The following CSMD1 variants were observed in gnomAD, a reference collection of about 807,000 sequenced individuals.
The protein encoded by CSMD1 is CUB and sushi domain-containing protein 1.
In CSMD1, 213 loss-of-function variants were observed where a neutral mutation model predicts 417.5. The ratio of observed to expected loss-of-function variants is 0.51; its 90% CI spans 0.46 to 0.57. CSMD1 has a LOEUF of 0.57. Among genes scored for constraint, CSMD1 ranks in the 20% least tolerant of loss-of-function variants. CSMD1 has a pLI of 0.00. For synonymous variants in CSMD1, 2,862 were observed against 1,736.8 expected (o/e 1.65, Z -16.11); for missense variants, 6,923 against 4,529.7 (o/e 1.53, Z -15.17).
chr8:3,065,316 TAGAC>T (rs901818787), intron 49 of CSMD1, among the ~76,000 whole-genome samples: 111 of 149,354 alleles, frequency 7.4e-4, no homozygotes, highest in African/African-American at 2.4e-3. Context: ...GATAGATAGA[TAGAC>T]AGACAGACAA....
At chr8:4,155,821 G>A (rs946941828) in intron 3 of CSMD1, among the ~76,000 whole-genome samples, 2 of 152,128 alleles carry the variant, frequency 1.3e-5, no homozygotes, top group African/African-American at 4.8e-5. Flanking sequence ...AAGCTGCAAA[G>A]TCAATTAAAT....
At chr8:3,633,549 G>T (rs1300207303) in intron 7 of CSMD1, among the ~76,000 whole-genome samples, 2 of 152,086 alleles carry the variant, frequency 1.3e-5, no homozygotes, top group African/African-American at 2.4e-5. Context: ...AGTGGTGCAC[G>T]CACGTCAAAA....
intron 1 of CSMD1, among the ~76,000 whole-genome samples, chr8:4,939,407 T>A (rs1357610383): frequency 2.0e-5 from 3 of 152,152 alleles, no homozygotes; most frequent in Non-Finnish European, 4.4e-5. Context: ...TCAGTGACCC[T>A]CAACAGGTGA....
chr8:4,832,017 C>G (rs771920428), intron 1 of CSMD1, among the ~76,000 whole-genome samples: 2 of 152,214 alleles, frequency 1.3e-5, no homozygotes, highest in Non-Finnish European at 2.9e-5. Context: ...TCAAAAGGAG[C>G]TTCCTCCAAG....
chr8:3,719,585 C>A (rs1002950710), intron 6 of CSMD1, among the ~76,000 whole-genome samples: 1 of 152,112 alleles, frequency 6.6e-6, no homozygotes, highest in African/African-American at 2.4e-5. Context: ...ACATCTCTTG[C>A]AAGAGTGCTG....
intron 2 of CSMD1, among the ~76,000 whole-genome samples, chr8:4,443,491 T>G (rs1798603155): frequency 6.6e-6 from 1 of 152,322 alleles, no homozygotes; most frequent in African/African-American, 2.4e-5. Context: ...ATGTGTTTCT[T>G]TATATGCCAC....
Position 4,424,398 on chromosome 8 carries a change from C to G in CSMD1, c.303-4333G>C, listed in dbSNP as rs181612910. 4.6e-3 allele frequency among the ~76,000 whole-genome samples: 692 copies of G among 151,690 alleles called. 1 individual carries two copies. The highest frequency in any genetic ancestry group is 0.01 in the Middle Eastern group (3 of 294). ...GGCAACAAGCAGAAAAGTCAGGTGACCTAAAGGACATCCAGACGGCAAATA... is the reference window on the plus strand; with the variant it reads ...GGCAACAAGCAGAAAAGTCAGGTGAGCTAAAGGACATCCAGACGGCAAATA... On this transcript the variant is annotated intron_variant, in intron 2 of 69. Coordinates refer to ENST00000635120, the MANE Select transcript of CSMD1 (RefSeq NM_033225.6).
intron 10 of CSMD1, among the ~76,000 whole-genome samples, chr8:3,532,522 G>A (rs997960646): frequency 7.2e-5 from 11 of 152,016 alleles, no homozygotes; most frequent in Admixed American, 3.9e-4. Context: ...CAGATGATCA[G>A]GACTTTAGAT....
intron 1 of CSMD1, among the ~76,000 whole-genome samples, chr8:4,963,437 C>A (rs944381830): frequency 1.3e-5 from 2 of 152,052 alleles, no homozygotes; most frequent in African/African-American, 4.8e-5. Flanking sequence ...TGACCTCAAG[C>A]AATCCACCCA....
At chr8:4,736,953 T>C (rs887017111) in intron 1 of CSMD1, among the ~76,000 whole-genome samples, 4 of 152,174 alleles carry the variant, frequency 2.6e-5, no homozygotes, top group African/African-American at 9.6e-5. Flanking sequence ...CAGCAAACCA[T>C]TCCATTATTT....
rs552026873 is a variant in CSMD1, at chr8:4,439,109, CAATCA to C, written c.303-19049_303-19045del. ...TCTGTATTATATGGTTCACACTAATCAATCAAATCAATTAATCATCTATATCACCT... is the reference window on the plus strand; with the variant it reads ...TCTGTATTATATGGTTCACACTAATCAATCAATTAATCATCTATATCACCT... On this transcript the variant is annotated intron_variant, in intron 2 of 69. Coordinates refer to ENST00000635120, the MANE Select transcript of CSMD1 (RefSeq NM_033225.6). 1.7e-3 allele frequency among the ~76,000 whole-genome samples: 265 copies of C among 152,194 alleles called. 1 individual carries two copies. Among genetic ancestry groups the C allele is most frequent in the African/African-American group, 6.1e-3 (255 of 41,542 alleles).
In CSMD1 at chr8:3,202,920, A is replaced by G. The variant is rs538551927; in HGVS notation, c.4985-1195T>C. Among the ~76,000 whole-genome samples, 7 of 152,318 alleles carry G rather than the reference A, an allele frequency of 4.6e-5. No individual in the cohort carries two copies. The East Asian group carries it at 1.2e-3, about 25-fold the overall frequency. On this transcript the variant is annotated intron_variant, in intron 31 of 69. Transcript: ENST00000635120. Reference sequence around the variant, plus strand: ...TTTCCCAATAGATGAAATGCTCTAAAAACTTTTTTCAGGAATTAGAGAGGG... The same window carrying G: ...TTTCCCAATAGATGAAATGCTCTAAGAACTTTTTTCAGGAATTAGAGAGGG...
intron 5 of CSMD1, among the ~76,000 whole-genome samples, chr8:3,899,656 C>G (rs1228292186): frequency 1.3e-5 from 2 of 152,114 alleles, no homozygotes; most frequent in Non-Finnish European, 2.9e-5. Flanking sequence ...AGAAACTAGA[C>G]AAGAAGGTGG....
intron 1 of CSMD1, among the ~76,000 whole-genome samples, chr8:4,945,602 G>T (rs1016438777): frequency 6.6e-6 from 1 of 151,956 alleles, no homozygotes; most frequent in Non-Finnish European, 1.5e-5. Context: ...CTCTGGATAA[G>T]AAATTCTAAG....
intron 5 of CSMD1, among the ~76,000 whole-genome samples, chr8:3,971,819 G>A (rs999063705): frequency 1.3e-5 from 2 of 152,176 alleles, no homozygotes; most frequent in Non-Finnish European, 2.9e-5. Context: ...TTCTCTGTCT[G>A]TTGCATGAAT....
intron 35 of CSMD1, 23 bp downstream of exon 35, chr8:3,188,864 G>C (rs1796247143): frequency 1.9e-6 from 3 of 1,542,202 alleles, no homozygotes; most frequent in South Asian, 1.2e-5. Flanking sequence ...CCCTGTTGTA[G>C]ACTGTGGACT....
At chr8:3,422,453 A>C (rs777425667) in intron 12 of CSMD1, among the ~76,000 whole-genome samples, 13 of 152,146 alleles carry the variant, frequency 8.5e-5, no homozygotes, top group African/African-American at 3.1e-4. Flanking sequence ...TTTCAAAAAT[A>C]TCATGTGCAT....
At chr8:4,243,243 C>A (rs1418793563) in intron 3 of CSMD1, among the ~76,000 whole-genome samples, 2 of 152,106 alleles carry the variant, frequency 1.3e-5, no homozygotes, top group Non-Finnish European at 2.9e-5. Flanking sequence ...AAGGGGAGAT[C>A]ACCAGCTCAG....
chr8:3,808,381 TA>T (rs2129075591), intron 5 of CSMD1, among the ~76,000 whole-genome samples: 1 of 152,308 alleles, frequency 6.6e-6, no homozygotes, highest in South Asian at 2.1e-4. Flanking sequence ...CTGACTGTGA[TA>T]ATGACAACCG....
Sources: gnomAD v4.1 joint callset for allele counts (sites outside exome capture counted in the v4.1 genomes callset) on GRCh38, gnomAD v4.1.1 for gene constraint, MANE v1.5 for transcripts, NCBI Gene and HGNC (gene_info 2026-07-23, HGNC 2026-07-21) for gene names.